The following ZNF566 variants were observed in gnomAD, a reference collection of about 807,000 sequenced individuals.
ZNF566 encodes the protein zinc finger protein 566.
Under a neutral mutation model 32.8 loss-of-function variants are expected in ZNF566, and 27 were observed. The ratio of observed to expected loss-of-function variants is 0.82; its 90% CI spans 0.61 to 1.14. The LOEUF is 1.14. Ranked by LOEUF, ZNF566 falls within the 50% of genes most tolerant of loss-of-function variation. ZNF566 has a pLI of 0.00. For synonymous variants in ZNF566, 154 were observed against 159.5 expected (o/e 0.97, Z 0.26); for missense variants, 402 against 490.4 (o/e 0.82, Z 1.70).
intron 4 of ZNF566, among the ~76,000 whole-genome samples, chr19:36,461,062 TG>T (rs1262592111): frequency 6.6e-6 from 1 of 152,142 alleles, no homozygotes; most frequent in Admixed American, 6.6e-5. Context: ...TAGGCAATAG[TG>T]GGGACAGTGG....
At chr19:36,460,587 A>G (rs2033436707) in intron 4 of ZNF566, among the ~76,000 whole-genome samples, 1 of 152,192 alleles carries the variant, frequency 6.6e-6, no homozygotes, top group Non-Finnish European at 1.5e-5. Context: ...AAGATTTAAC[A>G]TTTGTGTCAT....
intron 4 of ZNF566, among the ~76,000 whole-genome samples, chr19:36,465,196 A>G (rs936990009): frequency 6.6e-6 from 1 of 152,194 alleles, no homozygotes; most frequent in African/African-American, 2.4e-5. Flanking sequence ...ATAAAATAAG[A>G]GTTCATACTC....
intron 1 of ZNF566, among the ~76,000 whole-genome samples, chr19:36,478,674 A>G (rs1163356721): frequency 6.6e-6 from 1 of 151,894 alleles, no homozygotes; most frequent in African/African-American, 2.4e-5. Flanking sequence ...CAACTTGATG[A>G]GTAGCATCTA....
At chr19:36,455,836 C>T (rs563520846) in intron 4 of ZNF566, among the ~76,000 whole-genome samples, 17 of 151,902 alleles carry the variant, frequency 1.1e-4, no homozygotes, top group East Asian at 9.8e-4. Flanking sequence ...GTCAGGAGAT[C>T]GAGACCATCC....
Position 36,449,422 on chromosome 19 carries a change from G to C in ZNF566, c.812C>G (p.Thr271Ser), listed in dbSNP as rs1368035627. ...ACCTGTGTGAATTCTCTGATGTCGAGTGAAGTTTGAACCACTACTAAAGGC... is the reference window on the plus strand; with the variant it reads ...ACCTGTGTGAATTCTCTGATGTCGACTGAAGTTTGAACCACTACTAAAGGC... ...GKAFSSGSNF[T>S]RHQRIHTGEK... The change falls in exon 5 of 5, where the codon ACT becomes AGT. Residue 271 changes from threonine to serine, a missense_variant. Thr to Ser is a moderately conservative substitution (Grantham distance 58). This residue lies in a region of ZNF566 where 135 missense variants were observed against 210.0 expected (regional missense o/e 0.64). Coordinates refer to ENST00000452939, the MANE Select transcript of ZNF566 (RefSeq NM_001145344.1). 1 of 1,613,510 alleles carries C rather than the reference G, an allele frequency of 6.2e-7. No individual in the cohort carries two copies. Among genetic ancestry groups the C allele is most frequent in the African/African-American group, 1.3e-5 (1 of 74,730 alleles).
At position 36,449,435 on chromosome 19, in the gene ZNF566, C is replaced by A. The variant is rs1304680824; in HGVS notation, c.799G>T (p.Gly267Cys). The A allele has an allele frequency of 6.2e-7, 1 of 1,613,866 alleles. No homozygotes were observed. The highest frequency in any genetic ancestry group is 2.2e-5 in the East Asian group (1 of 44,836). The change falls in exon 5 of 5, where the codon GGT becomes TGT. Residue 267 changes from glycine to cysteine, a missense_variant. Gly to Cys is a radical substitution (Grantham distance 159, BLOSUM62 -3). Transcript: ENST00000452939. ...CKECGKAFSSGSNFTRHQRIH... is the reference protein window; with the variant it reads ...CKECGKAFSSCSNFTRHQRIH... ...CTCTGATGTCGAGTGAAGTTTGAAC[C>A]ACTACTAAAGGCTTTCCCACATTCC... is the stretch of plus-strand genomic sequence containing the variant.
At chr19:36,477,851 G>T (rs762560449) in intron 1 of ZNF566, among the ~76,000 whole-genome samples, 1 of 152,016 alleles carries the variant, frequency 6.6e-6, no homozygotes, top group East Asian at 1.9e-4. Flanking sequence ...ACTTTAAGAT[G>T]TTTAAAGTGC....
intron 1 of ZNF566, among the ~76,000 whole-genome samples, chr19:36,480,238 G>A (rs1368060221): frequency 6.6e-6 from 1 of 150,844 alleles, no homozygotes; most frequent in Non-Finnish European, 1.5e-5. Flanking sequence ...ATAACCACAT[G>A]TATATACTGT....
At chr19:36,473,616 G>T (rs1484734066) in intron 2 of ZNF566, among the ~76,000 whole-genome samples, 158 bp from the exon 3 acceptor site, 1 of 152,182 alleles carries the variant, frequency 6.6e-6, no homozygotes, top group Non-Finnish European at 1.5e-5. Flanking sequence ...AAGCACAACT[G>T]AATCACTGGG....
At chr19:36,472,596 T>A (rs1269563068) in intron 4 of ZNF566, among the ~76,000 whole-genome samples, 2 of 152,194 alleles carry the variant, frequency 1.3e-5, no homozygotes, top group Non-Finnish European at 2.9e-5. Context: ...GTGATGCTTT[T>A]ATTAGACTAA....
chr19:36,480,512 T>C (rs1011637587), intron 1 of ZNF566, among the ~76,000 whole-genome samples: 4 of 151,156 alleles, frequency 2.6e-5, no homozygotes, highest in Admixed American at 1.3e-4. Flanking sequence ...CTCAAATTCC[T>C]GACCTCAGGT....
At chr19:36,476,045 C>CTTGA (rs2033875881) in intron 2 of ZNF566, 1 of 152,078 alleles carries the variant, frequency 6.6e-6, no homozygotes, top group African/African-American at 2.4e-5. Context: ...GTGGCTCATG[C>CTTGA]TTATAATCCC....
chr19:36,461,172 A>G (rs1168543454), intron 4 of ZNF566, among the ~76,000 whole-genome samples: 1 of 152,198 alleles, frequency 6.6e-6, no homozygotes, highest in East Asian at 1.9e-4. Context: ...GCTGCTTTCC[A>G]GCTCTCCAAG....
chr19:36,486,434 G>A (rs1024236741), intron 1 of ZNF566, among the ~76,000 whole-genome samples: 1 of 152,096 alleles, frequency 6.6e-6, no homozygotes, highest in Non-Finnish European at 1.5e-5. Flanking sequence ...CACTTTGGGA[G>A]GACAAGGCAG....
At chr19:36,472,868 C>A (rs2033799553) in intron 4 of ZNF566, 43 bp downstream of exon 4, 1 of 1,522,214 alleles carries the variant, frequency 6.6e-7, no homozygotes, top group African/African-American at 1.4e-5. Context: ...GATGCAGTCT[C>A]TCTACCAGCC....
chr19:36,478,505 G>A (rs1226688495), intron 1 of ZNF566, among the ~76,000 whole-genome samples: 5 of 151,660 alleles, frequency 3.3e-5, no homozygotes, highest in African/African-American at 1.2e-4. Context: ...TCCATACCAT[G>A]CTTGTTGCAT....
intron 4 of ZNF566, among the ~76,000 whole-genome samples, chr19:36,466,421 C>G (rs2033614732): frequency 6.6e-6 from 1 of 152,152 alleles, no homozygotes; most frequent in Non-Finnish European, 1.5e-5. Flanking sequence ...AACTGTGAGT[C>G]TCAACCTACT....
At chr19:36,451,745 C>T (rs539142422) in intron 4 of ZNF566, among the ~76,000 whole-genome samples, 1 of 152,282 alleles carries the variant, frequency 6.6e-6, no homozygotes, top group East Asian at 1.9e-4. Flanking sequence ...CAGTGGCTCA[C>T]GCCTGTAATC....
In ZNF566 at chr19:36,473,362, A is replaced by C. The variant is rs1600166732; in HGVS notation, c.106T>G (p.Leu36Val). 1 of 1,614,058 alleles carries C rather than the reference A, an allele frequency of 6.2e-7. No individual in the cohort carries two copies. The stretch of plus-strand genomic sequence containing the variant: ...GAAACCAGGTTGCTGTAATTCTCCA[A>C]CATCACATCTCTGTATAAATCTCTC... ...DQRDLYRDVM[L>V]ENYSNLVSMG... The change falls in exon 3 of 5, where the codon TTG (leucine) becomes GTG (valine). Residue 36 changes from leucine to valine, a missense_variant. Leu to Val is a conservative substitution (Grantham distance 32, BLOSUM62 1). Transcript: ENST00000452939.
Sources: allele counts gnomAD v4.1 joint callset (sites outside exome capture counted in the v4.1 genomes callset), GRCh38; gene constraint gnomAD v4.1.1; regional missense constraint gnomAD v4.1.1; transcripts MANE v1.5; gene names NCBI Gene and HGNC (gene_info 2026-07-23, HGNC 2026-07-21).